SNTG1: variants seen among roughly 807,000 people sequenced by gnomAD.
The protein encoded by SNTG1 is syntrophin gamma 1.
SNTG1 carries 39 observed loss-of-function variants against 74.7 expected under a neutral mutation model. That is an observed-to-expected ratio of 0.52 (90% CI 0.40 to 0.68). The LOEUF (loss-of-function observed/expected upper bound fraction) is 0.68, where lower values mean the gene tolerates loss of function less well. SNTG1 is among the 30% of genes least tolerant of loss of function. SNTG1 has a pLI of 0.00. For synonymous variants in SNTG1, 254 were observed against 217.1 expected (o/e 1.17, Z -1.49); for missense variants, 685 against 609.5 (o/e 1.12, Z -1.30).
intron 9 of SNTG1, 92 bp downstream of exon 9, chr8:50,502,972 T>C: frequency 9.3e-7 from 1 of 1,077,996 alleles, no homozygotes; most frequent in South Asian, 1.6e-5. Flanking sequence ...CTTCTTAAAG[T>C]TGAGATTTTT....
rs186494698 is a variant in SNTG1 at position 50,111,621 on chromosome 8, G to A, written c.-102-60940G>A. On this transcript the variant is annotated intron_variant, in intron 1 of 18. Transcript: ENST00000642720. ...GTCTATGATATTTTATTATGGCAGC[G>A]CAAGAAGAGCAATATACCCCTCCAT... 3.8e-3 allele frequency among the ~76,000 whole-genome samples: 575 copies of A among 152,164 alleles called. 4 individuals are homozygous for A. Among genetic ancestry groups the A allele is most frequent in the African/African-American group, 0.013 (524 of 41,534 alleles).
chr8:50,792,675 T>C lies in SNTG1; in HGVS notation c.1400T>C (p.Leu467Ser). The stretch of plus-strand genomic sequence containing the variant: ...CTGTTTCTCTTTCCCTTTCAGGAGT[T>C]GGAATTTTCTAATTTATTTGCTGTT... The part of the protein sequence containing the change: ...PDTKQIEAKE[L>S]EFSNLFAVLH... The change falls in exon 19 of 19, where the codon TTG becomes TCG. Residue 467 changes from leucine (L) to serine (S), a missense_variant. Coordinates refer to ENST00000642720, the MANE Select transcript of SNTG1 (RefSeq NM_018967.5). 1 of 1,607,986 alleles carries C rather than the reference T, an allele frequency of 6.2e-7. No homozygotes were observed. The highest frequency in any genetic ancestry group is 8.5e-7 in the Non-Finnish European group (1 of 1,176,754).
At chr8:50,326,053 C>G (rs572424340) in intron 2 of SNTG1, among the ~76,000 whole-genome samples, 1 of 151,988 alleles carries the variant, frequency 6.6e-6, no homozygotes, top group African/African-American at 2.4e-5. Flanking sequence ...AATGATGAAA[C>G]AGCTTTGGAG....
intron 12 of SNTG1, among the ~76,000 whole-genome samples, chr8:50,564,607 T>A (rs1585699810): frequency 6.6e-6 from 1 of 152,138 alleles, no homozygotes; most frequent in African/African-American, 2.4e-5. Context: ...GCTTCTCAGT[T>A]TTTTACTTTT....
At chr8:50,198,482 C>T (rs1239770930) in intron 2 of SNTG1, among the ~76,000 whole-genome samples, 2 of 152,110 alleles carry the variant, frequency 1.3e-5, no homozygotes, top group Non-Finnish European at 2.9e-5. Flanking sequence ...AGTCCTCAGG[C>T]AGCTACAGAG....
chr8:50,174,589 T>C (rs139816134), intron 2 of SNTG1, among the ~76,000 whole-genome samples: 2 of 152,236 alleles, frequency 1.3e-5, no homozygotes, highest in Non-Finnish European at 2.9e-5. Flanking sequence ...AATGCCATTA[T>C]ATACCCAATG....
At chr8:50,150,728 T>A (rs2082038624) in intron 1 of SNTG1, among the ~76,000 whole-genome samples, 2 of 152,000 alleles carry the variant, frequency 1.3e-5, no homozygotes, top group African/African-American at 2.4e-5. Context: ...CCAGCCTGTA[T>A]GTTGAACCAG....
intron 4 of SNTG1, among the ~76,000 whole-genome samples, chr8:50,429,434 A>G (rs1158588889): frequency 6.6e-6 from 1 of 152,164 alleles, no homozygotes; most frequent in East Asian, 1.9e-4. Flanking sequence ...ATTTACACAT[A>G]TAATAATGAA....
At chr8:50,077,321 G>T (rs1457733323) in intron 1 of SNTG1, among the ~76,000 whole-genome samples, 1 of 152,084 alleles carries the variant, frequency 6.6e-6, no homozygotes, top group Non-Finnish European at 1.5e-5. Context: ...CACATATCTG[G>T]CATGTAGATC....
chr8:50,730,109 C>T (rs2095509517), intron 17 of SNTG1, among the ~76,000 whole-genome samples: 1 of 152,000 alleles, frequency 6.6e-6, no homozygotes. Flanking sequence ...AATTTCAATC[C>T]AGAATATTGT....
intron 2 of SNTG1, among the ~76,000 whole-genome samples, chr8:50,366,641 T>TTA (rs1369009269): frequency 2.0e-5 from 3 of 147,706 alleles, no homozygotes; most frequent in Admixed American, 6.8e-5. Context: ...CTATATGATT[T>TTA]TATATATATA....
chr8:50,500,803 C>A (rs2093944803), intron 8 of SNTG1, among the ~76,000 whole-genome samples: 1 of 152,014 alleles, frequency 6.6e-6, no homozygotes, highest in African/African-American at 2.4e-5. Flanking sequence ...CTGTTCCCTG[C>A]TGGGATTGTT....
intron 2 of SNTG1, among the ~76,000 whole-genome samples, chr8:50,185,963 A>T (rs370462608): frequency 8.0e-4 from 121 of 152,118 alleles, no homozygotes; most frequent in African/African-American, 2.9e-3. Context: ...TAAGCCCTGC[A>T]TTCATTAAGT....
At chr8:50,401,740 T>C (rs2131350766) in intron 3 of SNTG1, among the ~76,000 whole-genome samples, 1 of 151,922 alleles carries the variant, frequency 6.6e-6, no homozygotes. Context: ...GAAATAGGAG[T>C]GTGTTCCTTC....
chr8:50,305,829 C>T (rs1401541656), intron 2 of SNTG1, among the ~76,000 whole-genome samples: 1 of 151,356 alleles, frequency 6.6e-6, no homozygotes, highest in Non-Finnish European at 1.5e-5. Context: ...CTCAGTAACC[C>T]AGTAGCTCCA....
At chr8:50,657,158 T>G in intron 14 of SNTG1, 133 bp downstream of exon 14, 2 of 456,462 alleles carry the variant, frequency 4.4e-6, no homozygotes. Context: ...AATCAGTTTA[T>G]CTGATTTAAC....
At chr8:50,162,588 GAA>G (rs145059769) in intron 1 of SNTG1, among the ~76,000 whole-genome samples, 2,969 of 147,286 alleles carry the variant, frequency 0.02, 96 homozygotes, top group African/African-American at 0.067. Flanking sequence ...GAAAAAAAAA[GAA>G]AGAAAACACC....
chr8:50,069,197 T>G (rs533218451), intron 1 of SNTG1, among the ~76,000 whole-genome samples: 7 of 152,302 alleles, frequency 4.6e-5, no homozygotes, highest in Admixed American at 2.0e-4. Flanking sequence ...GGGCTACTTA[T>G]AGGAGTGAAA....
chr8:49,965,343 C>G (rs1811046748), intron 1 of SNTG1, among the ~76,000 whole-genome samples: 1 of 152,114 alleles, frequency 6.6e-6, no homozygotes, highest in South Asian at 2.1e-4. Flanking sequence ...ATATGAGTTT[C>G]TTTATGAACT....
Sources: gnomAD v4.1 joint callset for allele counts (sites outside exome capture counted in the v4.1 genomes callset) on GRCh38, gnomAD v4.1.1 for gene constraint, MANE v1.5 for transcripts, NCBI Gene and HGNC (gene_info 2026-07-23, HGNC 2026-07-21) for gene names.